The following FCRL1 variants were observed in gnomAD, a reference collection of about 807,000 sequenced individuals.
FCRL1 encodes the protein Fc receptor-like protein 1.
In FCRL1, 34 loss-of-function variants were observed where a neutral mutation model predicts 49.2. The ratio of observed to expected loss-of-function variants is 0.69; its 90% confidence interval spans 0.53 to 0.92. The LOEUF is 0.92. FCRL1 is among the 40% of genes least tolerant of loss of function. FCRL1 has a pLI of 0.00. For missense variants in FCRL1, 524 were observed against 524.1 expected (o/e 1.00, Z 0.00); for synonymous variants, 218 against 201.6 (o/e 1.08, Z -0.69).
intron 1 of FCRL1, among the ~76,000 whole-genome samples, chr1:157,809,737 G>A (rs1466083452): frequency 2.6e-5 from 4 of 152,104 alleles, no homozygotes; most frequent in Admixed American, 6.5e-5. Flanking sequence ...TGGGATTACA[G>A]ACATGAGCCA....
chr1:157,802,360 A>C lies in FCRL1; in HGVS notation c.607+17T>G. 1 of 1,610,332 alleles carries C rather than the reference A, an allele frequency of 6.2e-7. No individual in the cohort carries two copies. Among genetic ancestry groups the C allele is most frequent in the Non-Finnish European group, 8.5e-7 (1 of 1,177,358 alleles). On this transcript the variant is annotated intron_variant, in intron 4 of 10. Transcript: ENST00000368176. ...AGTTTGTGACTGGCTGGCTGAACGAAGGGTAGTGGAACTTACTTCTGACAG... is the reference window on the plus strand; with the variant it reads ...AGTTTGTGACTGGCTGGCTGAACGACGGGTAGTGGAACTTACTTCTGACAG...
intron 1 of FCRL1, among the ~76,000 whole-genome samples, chr1:157,813,902 T>C (rs1654687510): frequency 6.6e-6 from 1 of 152,094 alleles, no homozygotes; most frequent in Non-Finnish European, 1.5e-5. Flanking sequence ...TCACCAGAAA[T>C]CATGCAGGCC....
intron 1 of FCRL1, among the ~76,000 whole-genome samples, chr1:157,808,660 A>G (rs1476498882): frequency 6.6e-6 from 1 of 152,202 alleles, no homozygotes; most frequent in Non-Finnish European, 1.5e-5. Flanking sequence ...TTCTTACTTA[A>G]TTTACAATAT....
chr1:157,797,279 A>C, intron 9 of FCRL1, 147 bp from the exon 10 acceptor site: 1 of 926,786 alleles, frequency 1.1e-6, no homozygotes. Flanking sequence ...TCTGTTTATC[A>C]CAAATGTGAT....
chr1:157,812,043 G>A (rs1654398345), intron 1 of FCRL1, among the ~76,000 whole-genome samples: 1 of 152,138 alleles, frequency 6.6e-6, no homozygotes, highest in Admixed American at 6.5e-5. Context: ...ACCCAGTCAG[G>A]CATCCTGCCC....
intron 2 of FCRL1, among the ~76,000 whole-genome samples, chr1:157,804,528 T>C (rs1653086923): frequency 6.6e-6 from 1 of 152,218 alleles, no homozygotes. Context: ...GCTATGTTCA[T>C]TATCTTCTTC....
At chr1:157,796,396 C>G (rs535053699) in intron 10 of FCRL1, among the ~76,000 whole-genome samples, 1 of 152,250 alleles carries the variant, frequency 6.6e-6, no homozygotes, top group Non-Finnish European at 1.5e-5. Flanking sequence ...TGCAAACATA[C>G]AGTGCCTTCG....
chr1:157,810,572 C>T (rs991939263), intron 1 of FCRL1, among the ~76,000 whole-genome samples: 1 of 151,994 alleles, frequency 6.6e-6, no homozygotes, highest in African/African-American at 2.4e-5. Context: ...GCTGGGATTA[C>T]AGTCGTGAGC....
rs546141495 is a variant in FCRL1 at position 157,796,016 on chromosome 1, A to C, written c.*83T>G. On this transcript the variant is annotated 3_prime_UTR_variant, in exon 11 of 11. Coordinates refer to ENST00000368176, the MANE Select transcript of FCRL1 (RefSeq NM_052938.5). ...CCAGAAGAGGTATACTGGAAAGCTAATGCCCCAGGATCTCTGAAGAACATA... is the reference window on the plus strand; with the variant it reads ...CCAGAAGAGGTATACTGGAAAGCTACTGCCCCAGGATCTCTGAAGAACATA... 12 of 1,137,034 alleles carry C rather than the reference A, an allele frequency of 1.1e-5. No individual in the cohort carries two copies. The African/African-American group carries it at 1.8e-4, about 17-fold the overall frequency. 70.4% of individuals were successfully genotyped at this position (1,137,034 alleles called of 1,614,324 possible). A position where few individuals can be genotyped will look rare whatever the true frequency, so the allele number is the denominator to read the frequency against.
rs1045797006 is a variant in FCRL1 at position 157,801,399 on chromosome 1, C to T, written c.1003+62G>A. 6.7e-6 allele frequency: 7 copies of T among 1,051,496 alleles called. No individual in the cohort carries two copies. In the African/African-American group the frequency reaches 1.1e-4, roughly 17 times the overall value. 65.1% of individuals were successfully genotyped at this position (1,051,496 alleles called of 1,614,324 possible). ...TTTTGCAGTATACATGTCACAATTT[C>T]AGCCTATTTCAGTGAAAACAAAGAT... is the stretch of plus-strand genomic sequence containing the variant. On this transcript the variant is annotated intron_variant, in intron 6 of 10. Coordinates refer to ENST00000368176, the MANE Select transcript of FCRL1 (RefSeq NM_052938.5).
chr1:157,809,738 A>T (rs759731548), intron 1 of FCRL1, among the ~76,000 whole-genome samples: 14 of 152,032 alleles, frequency 9.2e-5, no homozygotes, highest in Non-Finnish European at 1.3e-4. Flanking sequence ...GGGATTACAG[A>T]CATGAGCCAC....
In FCRL1 at chr1:157,804,252, C is replaced by G. The variant is rs539937896; in HGVS notation, c.53-141G>C. 3,830 of 940,764 alleles carry G rather than the reference C, an allele frequency of 4.1e-3. 124 individuals are homozygous for G. The African/African-American group carries it at 0.056, about 14-fold the overall frequency. The allele number at this position is 940,764 out of a possible 1,614,324, so 58.3% of individuals were successfully genotyped here. A position where few individuals can be genotyped will look rare whatever the true frequency, so the allele number is the denominator to read the frequency against. On this transcript the variant is annotated intron_variant, in intron 2 of 10. Transcript: ENST00000368176. ...GGCCACCCTACATGTCTCCACCCCC[C>G]CCCCAGTGGCCCATGGGCTTTCCTT...
chr1:157,805,950 G>A lies in FCRL1; in HGVS notation c.52+1152C>T, dbSNP rs556550258. 5.9e-5 allele frequency among the ~76,000 whole-genome samples: 9 copies of A among 152,334 alleles called. No individual in the cohort carries two copies. In the East Asian group the frequency reaches 1.5e-3, roughly 26 times the overall value. On this transcript the variant is annotated intron_variant, in intron 2 of 10. Coordinates refer to ENST00000368176, the MANE Select transcript of FCRL1 (RefSeq NM_052938.5). Reference sequence around the variant, plus strand: ...TCTGTAACCCACTATTCTCAATGGGGCTAGGGTGGTAATGAAGTGGGAAAC... The same window carrying A: ...TCTGTAACCCACTATTCTCAATGGGACTAGGGTGGTAATGAAGTGGGAAAC...
intron 1 of FCRL1, among the ~76,000 whole-genome samples, chr1:157,819,559 T>C (rs1655506775): frequency 6.6e-6 from 1 of 151,364 alleles, no homozygotes; most frequent in South Asian, 2.1e-4. Context: ...CACAACTTAG[T>C]GGGGGTGGGG....
At chr1:157,798,751 T>C (rs983323619) in intron 7 of FCRL1, among the ~76,000 whole-genome samples, 8 of 152,194 alleles carry the variant, frequency 5.3e-5, no homozygotes, top group African/African-American at 1.9e-4. Flanking sequence ...ATGGAAGTAG[T>C]TTAAAAAATA....
At chr1:157,800,138 G>T in intron 6 of FCRL1, 53 bp from the exon 7 acceptor site, 1 of 1,584,250 alleles carries the variant, frequency 6.3e-7, no homozygotes, top group Non-Finnish European at 8.7e-7. Flanking sequence ...CTCACTGTCA[G>T]CACTGTCAGT....
Position 157,801,914 on chromosome 1 carries a change from C to T in FCRL1, c.886+1G>A, listed in dbSNP as rs1189209426. 1 of 1,611,364 alleles carries T rather than the reference C, an allele frequency of 6.2e-7. No individual in the cohort carries two copies. The highest frequency in any genetic ancestry group is 8.5e-7 in the Non-Finnish European group (1 of 1,178,570). Reference sequence around the variant, plus strand: ...AGACAGTTCCATAGCCTGAGCTATACCTGTGAAGTTGAGTGTCACCGCCTC... The same window carrying T: ...AGACAGTTCCATAGCCTGAGCTATATCTGTGAAGTTGAGTGTCACCGCCTC... On this transcript the variant is annotated splice_donor_variant, in intron 5 of 10. Coordinates refer to ENST00000368176, the MANE Select transcript of FCRL1 (RefSeq NM_052938.5). LOFTEE classifies it high-confidence loss of function.
chr1:157,817,810 A>G (rs1484765839), intron 1 of FCRL1, among the ~76,000 whole-genome samples: 1 of 152,172 alleles, frequency 6.6e-6, no homozygotes, highest in Non-Finnish European at 1.5e-5. Flanking sequence ...ATATATAAGA[A>G]ACTCAAACAA....
intron 6 of FCRL1, 86 bp from the exon 7 acceptor site, chr1:157,800,171 G>T: frequency 7.5e-7 from 1 of 1,335,740 alleles, no homozygotes; most frequent in Non-Finnish European, 1.1e-6. Flanking sequence ...CCTGCACAGG[G>T]ATATGCCTCA....
Sources: gnomAD v4.1 joint callset for allele counts (sites outside exome capture counted in the v4.1 genomes callset) on GRCh38, gnomAD v4.1.1 for gene constraint, MANE v1.5 for transcripts, NCBI Gene and HGNC (gene_info 2026-07-23, HGNC 2026-07-21) for gene names.